MTUS1: variants seen among roughly 807,000 people sequenced by gnomAD.
MTUS1 encodes the protein microtubule-associated tumor suppressor 1.
In MTUS1, 109 loss-of-function variants were observed where a neutral mutation model predicts 120.8. The observed-to-expected ratio is 0.90, with a 90% CI of 0.77 to 1.06. MTUS1 has a LOEUF of 1.06. Among genes scored for constraint, MTUS1 ranks in the 50% least tolerant of loss-of-function variants. MTUS1 has a pLI of 0.00. For missense variants in MTUS1, 2,210 were observed against 1,486.3 expected, an observed-to-expected ratio of 1.49 and a Z score of -8.01; for synonymous variants, 737 against 550.5, an observed-to-expected ratio of 1.34 and a Z score of -4.74.
intron 1 of MTUS1, among the ~76,000 whole-genome samples, chr8:17,796,998 G>C (rs888367165): frequency 9.2e-5 from 14 of 152,072 alleles, no homozygotes; most frequent in Non-Finnish European, 1.9e-4. Flanking sequence ...TGTAATCCCA[G>C]CTACTCAGGA....
intron 6 of MTUS1, among the ~76,000 whole-genome samples, chr8:17,687,223 G>A (rs114046728): frequency 3.0e-3 from 461 of 152,206 alleles, no homozygotes; most frequent in African/African-American, 0.011. Context: ...ACCATCTTCC[G>A]CTCCATATAC....
intron 8 of MTUS1, chr8:17,674,693 T>A: frequency 2.0e-6 from 2 of 987,644 alleles, no homozygotes; most frequent in African/African-American, 1.7e-5. Flanking sequence ...TCAGCCCCCC[T>A]CCAAATAGTA....
At chr8:17,664,120 AG>A (rs1175702520) in intron 8 of MTUS1, 1 of 152,230 alleles carries the variant, frequency 6.6e-6, no homozygotes, top group Non-Finnish European at 1.5e-5. Flanking sequence ...GTTAAAAAGC[AG>A]CATTGCTGGC....
At chr8:17,717,812 C>T (rs1485412181) in intron 4 of MTUS1, among the ~76,000 whole-genome samples, 1 of 152,092 alleles carries the variant, frequency 6.6e-6, no homozygotes, top group Admixed American at 6.5e-5. Context: ...ACTTTTCAGA[C>T]TCAATACAAC....
At chr8:17,683,045 G>T (rs1352499620) in intron 7 of MTUS1, among the ~76,000 whole-genome samples, 1 of 152,234 alleles carries the variant, frequency 6.6e-6, no homozygotes, top group Non-Finnish European at 1.5e-5. Flanking sequence ...GGCCGAGGCA[G>T]ACAGATCACA....
chr8:17,726,179 C>T (rs569863611), intron 3 of MTUS1, among the ~76,000 whole-genome samples: 1 of 152,178 alleles, frequency 6.6e-6, no homozygotes, highest in Non-Finnish European at 1.5e-5. Flanking sequence ...TACTCATTTG[C>T]AGCTCCACCC....
At chr8:17,664,964 G>C (rs1253158220) in intron 8 of MTUS1, among the ~76,000 whole-genome samples, 1 of 152,166 alleles carries the variant, frequency 6.6e-6, no homozygotes, top group Admixed American at 6.5e-5. Context: ...GGCATGTCCA[G>C]TTTCCTGGGC....
chr8:17,656,215 T>C lies in MTUS1; in HGVS notation c.2906-150A>G, dbSNP rs1164168019. ...GTGACCATGTCTTCAAATATAACAG[T>C]ATGGAAGTGAACTGTAAAAAGGAAC... On this transcript the variant is annotated intron_variant, in intron 8 of 14. Coordinates refer to ENST00000693296, the MANE Select transcript of MTUS1 (RefSeq NM_001363059.2). 7.0e-6 allele frequency: 5 copies of C among 715,094 alleles called. No individual in the cohort carries two copies. The Admixed American group carries it at 1.2e-4, about 17-fold the overall frequency. The allele number at this position is 715,094 out of a possible 1,614,324, so 44.3% of individuals were successfully genotyped here.
intron 13 of MTUS1, 91 bp from the exon 14 acceptor site, chr8:17,647,170 G>C (rs921632253): frequency 2.2e-6 from 2 of 929,978 alleles, no homozygotes; most frequent in Non-Finnish European, 3.3e-6. Context: ...GCACACTTTG[G>C]AGATTTAATT....
At chr8:17,709,893 G>C (rs1359695742) in intron 6 of MTUS1, among the ~76,000 whole-genome samples, 1 of 151,820 alleles carries the variant, frequency 6.6e-6, no homozygotes, top group Non-Finnish European at 1.5e-5. Flanking sequence ...TGTAGTCCCA[G>C]CTACTCGGGA....
intron 6 of MTUS1, among the ~76,000 whole-genome samples, chr8:17,686,565 T>C (rs1815851138): frequency 6.6e-6 from 1 of 152,216 alleles, no homozygotes; most frequent in African/African-American, 2.4e-5. Context: ...TCCTTTATCA[T>C]TTCCTGAGTC....
rs1421813001 is a variant in MTUS1, at chr8:17,755,881, T to TG, written c.-75dup. ...CTTTTAAATGAGAGGGTGGGCAAAA[T>TG]GGTCTGTCTTCTAGGTTTTTCAGCA... On this transcript the variant is annotated 5_prime_UTR_variant, in exon 2 of 15. Transcript: ENST00000693296. The TG allele has an allele frequency of 6.5e-7, 1 of 1,527,112 alleles. No homozygotes were observed. Among genetic ancestry groups the TG allele is most frequent in the African/African-American group, 1.4e-5 (1 of 72,630 alleles). The allele number at this position is 1,527,112 out of a possible 1,614,324, so 94.6% of individuals were successfully genotyped here. A position where few individuals can be genotyped will look rare whatever the true frequency, so the allele number is the denominator to read the frequency against.
In MTUS1 at chr8:17,755,649, G is replaced by A. The variant is rs1475323367; in HGVS notation, c.159C>T (p.Asp53=). The A allele has an allele frequency of 6.2e-7, 1 of 1,614,202 alleles. No individual in the cohort carries two copies. Among genetic ancestry groups the A allele is most frequent in the Non-Finnish European group, 8.5e-7 (1 of 1,180,020 alleles). Residue 53 remains aspartate (D), a synonymous_variant, in exon 2 of 15, where the codon GAC becomes GAT. Coordinates refer to ENST00000693296, the MANE Select transcript of MTUS1 (RefSeq NM_001363059.2). ...GGTCAGTTTCATAATCAACCACCAT[G>A]TCATCTGGGTTGGCAGAATTCCAGT... ...SVNWNSANPD[D]MVVDYETDPA... is the part of the protein sequence containing the mutation.
chr8:17,666,281 T>TAA (rs59263006), intron 8 of MTUS1, among the ~76,000 whole-genome samples: 27 of 140,752 alleles, frequency 1.9e-4, no homozygotes, highest in African/African-American at 4.7e-4. Flanking sequence ...AGTTTCAATG[T>TAA]AAAAAAAAAA....
intron 9 of MTUS1, chr8:17,655,059 C>G (rs1807911160): frequency 5.3e-6 from 1 of 189,650 alleles, no homozygotes; most frequent in African/African-American, 2.3e-5. Flanking sequence ...ATGGCTGCAT[C>G]AGTCACAAGG....
rs1339547872 is a variant in MTUS1 at position 17,755,509 on chromosome 8, T to C, written c.299A>G (p.Asp100Gly). The C allele has an allele frequency of 2.5e-6, 4 of 1,614,030 alleles. No homozygotes were observed. Among genetic ancestry groups the C allele is most frequent in the African/African-American group, 1.3e-5 (1 of 74,918 alleles). Residue 100 changes from aspartate (D) to glycine (G), a missense_variant, in exon 2 of 15, where the codon GAT (aspartate) becomes GGT (glycine). By Grantham distance (94) the Asp-to-Gly change is moderately conservative. Coordinates refer to ENST00000693296, the MANE Select transcript of MTUS1 (RefSeq NM_001363059.2). ...ISKQVLDMHK[D>G]SICQCPALVG... ...AAGTGCAGGACACTGACAAATAGAA[T>C]CTTTATGCATATCTAACACCTGCTT...
intron 1 of MTUS1, among the ~76,000 whole-genome samples, chr8:17,792,241 G>A (rs906223538): frequency 6.6e-6 from 1 of 152,144 alleles, no homozygotes. Context: ...CAGGAGGAAG[G>A]AGAGAAGAAA....
At chr8:17,746,275 A>T (rs982324045) in intron 2 of MTUS1, among the ~76,000 whole-genome samples, 3 of 152,076 alleles carry the variant, frequency 2.0e-5, no homozygotes, top group African/African-American at 4.8e-5. Flanking sequence ...CACATGTTCA[A>T]CCAGTACTCT....
intron 6 of MTUS1, among the ~76,000 whole-genome samples, chr8:17,685,028 C>G (rs917989133): frequency 1.3e-5 from 2 of 152,178 alleles, no homozygotes; most frequent in Non-Finnish European, 2.9e-5. Flanking sequence ...AGCCATTACA[C>G]AGATTTATAC....
Sources: gnomAD v4.1 joint callset for allele counts (sites outside exome capture counted in the v4.1 genomes callset) on GRCh38, gnomAD v4.1.1 for gene constraint, MANE v1.5 for transcripts, NCBI Gene and HGNC (gene_info 2026-07-23, HGNC 2026-07-21) for gene names.